CACNA1C: variants seen among roughly 807,000 people sequenced by gnomAD.
CACNA1C encodes the protein voltage-dependent L-type calcium channel subunit alpha-1C.
In CACNA1C, 30 loss-of-function variants were observed where a neutral mutation model predicts 229.0. The observed-to-expected ratio is 0.13, with a 90% CI of 0.10 to 0.18. The LOEUF is 0.18. Among genes scored for constraint, CACNA1C ranks in the 10% least tolerant of loss-of-function variants. The pLI, the probability that CACNA1C is intolerant of heterozygous loss-of-function variation, is 1.00. For synonymous variants in CACNA1C, 1,114 were observed against 1,132.5 expected (o/e 0.98, Z 0.33); for missense variants, 1,658 against 2,845.0 (o/e 0.58, Z 9.49).
In CACNA1C at chr12:2,410,141, C is replaced by T. The variant is rs988969112; in HGVS notation, c.478-38835C>T. Among the ~76,000 whole-genome samples, 9 of 152,198 alleles carry T rather than the reference C, an allele frequency of 5.9e-5. No individual in the cohort carries two copies. Among genetic ancestry groups the T allele is most frequent in the African/African-American group, 2.2e-4 (9 of 41,452 alleles). ...TTAGCTGTCAGCCTTGGATGGTGGG[C>T]TCATGCATTCTGTTCCCACTCCAAT... On this transcript the variant is annotated intron_variant, in intron 3 of 46. Coordinates refer to ENST00000399655, the MANE Select transcript of CACNA1C (RefSeq NM_000719.7). This position sits in a 1 kb window ranked among gnomAD's most constrained non-coding sequence, Gnocchi z 5.3.
At chr12:2,449,438 A>T (rs1272835220) in intron 4 of CACNA1C, among the ~76,000 whole-genome samples, 2 of 151,742 alleles carry the variant, frequency 1.3e-5, no homozygotes, top group Non-Finnish European at 2.9e-5. Flanking sequence ...CCTAGTGTGC[A>T]CTCCTCCCAG....
intron 11 of CACNA1C, among the ~76,000 whole-genome samples, chr12:2,559,934 C>T (rs1490259297): frequency 2.6e-5 from 4 of 152,192 alleles, no homozygotes; most frequent in Non-Finnish European, 5.9e-5. Context: ...ACCAGTATCT[C>T]TAAAACATTA....
chr12:2,031,510 C>T (rs575995493), intron 1 of CACNA1C, among the ~76,000 whole-genome samples: 1 of 152,180 alleles, frequency 6.6e-6, no homozygotes, highest in Non-Finnish European at 1.5e-5. Flanking sequence ...TTTGTTTGAA[C>T]AAAAGAGGAT....
chr12:2,243,886 T>C (rs1445723193), intron 3 of CACNA1C, among the ~76,000 whole-genome samples: 1 of 152,210 alleles, frequency 6.6e-6, no homozygotes, highest in East Asian at 1.9e-4. Flanking sequence ...CCTTTTAACT[T>C]GAGGTTTTAT....
At chr12:2,461,115 C>T (rs942137849) in intron 5 of CACNA1C, among the ~76,000 whole-genome samples, 19 of 152,210 alleles carry the variant, frequency 1.2e-4, no homozygotes, top group Non-Finnish European at 1.8e-4. Context: ...CTTGTCCTCC[C>T]ATTCTCTCTT....
chr12:2,348,494 G>A lies in CACNA1C; in HGVS notation c.478-100482G>A, dbSNP rs937866618. Reference sequence around the variant, plus strand: ...TCTTCTCGCTGAGCCACAGCACCTGGTTTAGGGCTACAAATAGTCTCCCCG... The same window carrying A: ...TCTTCTCGCTGAGCCACAGCACCTGATTTAGGGCTACAAATAGTCTCCCCG... On this transcript the variant is annotated intron_variant, in intron 3 of 46. Coordinates refer to ENST00000399655, the MANE Select transcript of CACNA1C (RefSeq NM_000719.7). The surrounding 1 kb of genome is among the most constrained non-coding windows in gnomAD (Gnocchi z 4.7). Among the ~76,000 whole-genome samples the A allele has an allele frequency of 2.6e-5, 4 of 152,202 alleles. No individual in the cohort carries two copies. The highest frequency in any genetic ancestry group is 9.7e-5 in the African/African-American group (4 of 41,444).
At chr12:2,186,827 G>A (rs2097034628) in intron 3 of CACNA1C, among the ~76,000 whole-genome samples, 1 of 152,194 alleles carries the variant, frequency 6.6e-6, no homozygotes, top group Admixed American at 6.5e-5. Flanking sequence ...GCTCAGAGTA[G>A]GTTACATGAC....
Position 2,136,128 on chromosome 12 carries a change from G to A in CACNA1C, c.477+15698G>A, listed in dbSNP as rs935813088. On this transcript the variant is annotated intron_variant, in intron 3 of 46. Coordinates refer to ENST00000399655, the MANE Select transcript of CACNA1C (RefSeq NM_000719.7). ...GAAAGGGAACTCCCTGACCGCTTGC[G>A]CTTCCCAGGTGAGGCAATGCCTCGC... is the stretch of plus-strand genomic sequence containing the variant. Among the ~76,000 whole-genome samples the A allele has an allele frequency of 4.6e-5, 7 of 151,376 alleles. 1 individual carries two copies. The highest frequency in any genetic ancestry group is 7.4e-5 in the Non-Finnish European group (5 of 67,664).
At chr12:2,576,339 C>G (rs1402845362) in intron 13 of CACNA1C, among the ~76,000 whole-genome samples, 4 of 152,116 alleles carry the variant, frequency 2.6e-5, no homozygotes, top group Non-Finnish European at 2.9e-5. Flanking sequence ...GAGCTGGACA[C>G]CGGCACCCGG....
In CACNA1C at chr12:2,054,067, G is replaced by A. The variant is rs992710985; in HGVS notation, c.49+456G>A. ...CGCGCGCGCGCACCCTGCGCCGGCA[G>A]AGCCCGGCGCCCACGGCCGCCCCTG... On this transcript the variant is annotated intron_variant, in intron 1 of 46. Coordinates refer to ENST00000399655, the MANE Select transcript of CACNA1C (RefSeq NM_000719.7). This position sits in a 1 kb window ranked among gnomAD's most constrained non-coding sequence, Gnocchi z 5.5. Among the ~76,000 whole-genome samples the A allele has an allele frequency of 2.0e-5, 3 of 147,696 alleles. No homozygotes were observed. Among genetic ancestry groups the A allele is most frequent in the Non-Finnish European group, 4.5e-5 (3 of 66,476 alleles).
chr12:2,670,163 G>A (rs114761831), intron 38 of CACNA1C, among the ~76,000 whole-genome samples: 39 of 152,274 alleles, frequency 2.6e-4, no homozygotes, highest in African/African-American at 9.4e-4. Flanking sequence ...CAACTACAGA[G>A]ATGATTCAAA....
At chr12:2,402,903 G>A (rs374358583) in intron 3 of CACNA1C, among the ~76,000 whole-genome samples, 1 of 152,306 alleles carries the variant, frequency 6.6e-6, no homozygotes, top group East Asian at 1.9e-4. Flanking sequence ...GGAATAATAG[G>A]TCCATTAATT....
intron 29 of CACNA1C, among the ~76,000 whole-genome samples, chr12:2,627,058 G>A (rs1358602031): frequency 4.6e-5 from 7 of 152,060 alleles, no homozygotes; most frequent in African/African-American, 7.2e-5. Flanking sequence ...AGCCCCCCTC[G>A]CCTCCACCCG....
At chr12:2,068,902 G>A (rs1171424675) in intron 1 of CACNA1C, among the ~76,000 whole-genome samples, 1 of 152,252 alleles carries the variant, frequency 6.6e-6, no homozygotes, top group Non-Finnish European at 1.5e-5. Context: ...AACTTAGGCG[G>A]AATGCAATGT....
At chr12:2,537,704 G>T (rs1344734197) in intron 9 of CACNA1C, among the ~76,000 whole-genome samples, 1 of 152,238 alleles carries the variant, frequency 6.6e-6, no homozygotes, top group Admixed American at 6.5e-5. Context: ...TTCCAAAGGA[G>T]TGCTCTAGAG....
chr12:2,641,100 TGTGA>T (rs2093642472), intron 30 of CACNA1C, among the ~76,000 whole-genome samples: 1 of 152,160 alleles, frequency 6.6e-6, no homozygotes, highest in Non-Finnish European at 1.5e-5. Flanking sequence ...TGCCCATAGC[TGTGA>T]TGAGGAAGGA....
At chr12:2,277,131 T>C (rs1443742657) in intron 3 of CACNA1C, among the ~76,000 whole-genome samples, 1 of 152,176 alleles carries the variant, frequency 6.6e-6, no homozygotes, top group Admixed American at 6.5e-5. Context: ...TCTCATATGT[T>C]AGGTGCTTCT....
At chr12:2,610,338 A>G (rs2077100962) in intron 27 of CACNA1C, among the ~76,000 whole-genome samples, 1 of 152,164 alleles carries the variant, frequency 6.6e-6, no homozygotes, top group African/African-American at 2.4e-5. Flanking sequence ...TCCTTGATTA[A>G]GGGGGCCATG....
chr12:2,379,761 G>A (rs1051073209), intron 3 of CACNA1C, among the ~76,000 whole-genome samples: 6 of 152,122 alleles, frequency 3.9e-5, no homozygotes, highest in Non-Finnish European at 8.8e-5. Context: ...GCCGGGCGCG[G>A]TGGCTCACGC....
Sources: gnomAD v4.1 joint callset for allele counts (sites outside exome capture counted in the v4.1 genomes callset) on GRCh38, gnomAD v4.1.1 for gene constraint, Gnocchi (gnomAD v3.1) non-coding constraint, MANE v1.5 for transcripts, NCBI Gene and HGNC (gene_info 2026-07-23, HGNC 2026-07-21) for gene names.